NADK: variants seen among roughly 807,000 people sequenced by gnomAD.
NADK encodes the protein poly(P)/ATP NAD kinase.
NADK carries 22 observed loss-of-function variants against 49.8 expected under a neutral mutation model. The ratio of observed to expected loss-of-function variants is 0.44; its 90% CI spans 0.32 to 0.63. NADK has a LOEUF of 0.63. Among genes scored for constraint, NADK ranks in the 30% least tolerant of loss-of-function variants. The pLI is 0.06. For synonymous variants in NADK, 268 were observed against 253.7 expected (o/e 1.06, Z -0.54); for missense variants, 438 against 609.4 (o/e 0.72, Z 2.96).
At position 1,758,620 on chromosome 1, in the gene NADK, G is replaced by A. The variant is rs1054714638; in HGVS notation, c.264-1310C>T. The A allele has an allele frequency of 9.7e-6, 14 of 1,450,426 alleles. 1 individual carries two copies. Among genetic ancestry groups the A allele is most frequent in the Non-Finnish European group, 1.2e-5 (13 of 1,103,352 alleles). 89.8% of individuals were successfully genotyped at this position (1,450,426 alleles called of 1,614,324 possible). ...CAAAACACAATTGTGATGAGACTTG[G>A]TAAAGTTGTTGTAAAAGCAACTAAG... On this transcript the variant is annotated intron_variant, in intron 3 of 11. Transcript: ENST00000341426.
chr1:1,758,163 T>C (rs1467656069), intron 3 of NADK, among the ~76,000 whole-genome samples: 5 of 152,142 alleles, frequency 3.3e-5, no homozygotes, highest in Admixed American at 6.5e-5. Flanking sequence ...CAAGTTCTTA[T>C]ACCACCGCGC....
intron 10 of NADK, 151 bp from the exon 11 acceptor site, chr1:1,753,800 C>T (rs1645412972): frequency 1.2e-5 from 10 of 816,440 alleles, no homozygotes; most frequent in Non-Finnish European, 1.6e-5. Flanking sequence ...GGCACCGGCC[C>T]AGCTCAGCAC....
At chr1:1,757,066 C>T in intron 4 of NADK, 115 bp downstream of exon 4, 1 of 1,455,686 alleles carries the variant, frequency 6.9e-7, no homozygotes, top group Non-Finnish European at 9.4e-7. Context: ...TCCAGACAAG[C>T]AGCCGTTGCC....
At position 1,753,105 on chromosome 1, in the gene NADK, C is replaced by T. The variant is rs573306989; in HGVS notation, c.1185-45G>A. 19 of 1,574,912 alleles carry T rather than the reference C, an allele frequency of 1.2e-5. No individual in the cohort carries two copies. The South Asian group carries it at 1.7e-4, about 14-fold the overall frequency. On this transcript the variant is annotated intron_variant, in intron 11 of 11. Transcript: ENST00000341426. ...GCCTGAGCCAGGGCTTCCAGAAAGG[C>T]CCACCCCCGGCCAAGAACCCTTCCT...
chr1:1,759,999 G>T, intron 3 of NADK: 1 of 1,342,108 alleles, frequency 7.5e-7, no homozygotes, highest in Non-Finnish European at 1.0e-6. Flanking sequence ...GCGGGACAGA[G>T]CCACGGCGGG....
chr1:1,778,443 G>A lies in NADK; in HGVS notation c.-195C>T, dbSNP rs1042681233. On this transcript the variant is annotated 5_prime_UTR_variant, in exon 1 of 12. Coordinates refer to ENST00000341426, the MANE Select transcript of NADK (RefSeq NM_023018.5). The surrounding 1 kb of genome is among the most constrained non-coding windows in gnomAD (Gnocchi z 4.9). ...CCCGGACCCCGGCGCCGGCGCCGCC[G>A]AGCAGCAATGCGCCGCGCCCGCCCA... 2.7e-5 allele frequency: 4 copies of A among 147,794 alleles called. No individual in the cohort carries two copies. Among genetic ancestry groups the A allele is most frequent in the Non-Finnish European group, 6.0e-5 (4 of 66,326 alleles). The allele number at this position is 147,794 out of a possible 1,614,324, so 9.2% of individuals were successfully genotyped here. A position where few individuals can be genotyped will look rare whatever the true frequency, so the allele number is the denominator to read the frequency against.
chr1:1,752,609 C>T lies in NADK; in HGVS notation c.*295G>A, dbSNP rs774045873. On this transcript the variant is annotated 3_prime_UTR_variant, in exon 12 of 12. Transcript: ENST00000341426. ...ACCGACTGATTTGCGGAAAAATATC[C>T]TGGCATGGAAATTGCGGCAGCTGGA... The T allele has an allele frequency of 3.1e-5, 10 of 327,582 alleles. No individual in the cohort carries two copies. The highest frequency in any genetic ancestry group is 5.0e-5 in the Non-Finnish European group (9 of 179,144). 20.3% of individuals were successfully genotyped at this position (327,582 alleles called of 1,614,324 possible). A position where few individuals can be genotyped will look rare whatever the true frequency, so the allele number is the denominator to read the frequency against.
chr1:1,777,873 T>C lies in NADK; in HGVS notation c.-41+416A>G, dbSNP rs79278062. ...CATGCCAATACTGCTGTATAGAATC[T>C]TTTATTCATACTTTCCCACTAGGTT... On this transcript the variant is annotated intron_variant, in intron 1 of 11. Coordinates refer to ENST00000341426, the MANE Select transcript of NADK (RefSeq NM_023018.5). Among the ~76,000 whole-genome samples the C allele has an allele frequency of 1.3e-3, 205 of 152,314 alleles. 1 individual carries two copies. The highest frequency in any genetic ancestry group is 4.7e-3 in the African/African-American group (194 of 41,570).
Position 1,752,805 on chromosome 1 carries a change from G to T in NADK, c.*99C>A. On this transcript the variant is annotated 3_prime_UTR_variant, in exon 12 of 12. Transcript: ENST00000341426. The stretch of plus-strand genomic sequence containing the variant: ...CCAGCTACAGAAAGGAAGTGGCCGT[G>T]CCACTGAGACAGGCGGTCACAGACA... The T allele has an allele frequency of 7.2e-7, 1 of 1,392,266 alleles. No individual in the cohort carries two copies. Among genetic ancestry groups the T allele is most frequent in the Non-Finnish European group, 9.8e-7 (1 of 1,015,402 alleles). The allele number at this position is 1,392,266 out of a possible 1,614,324, so 86.2% of individuals were successfully genotyped here. A position where few individuals can be genotyped will look rare whatever the true frequency, so the allele number is the denominator to read the frequency against.
chr1:1,773,291 C>T (rs373255494), intron 1 of NADK, among the ~76,000 whole-genome samples: 7 of 151,194 alleles, frequency 4.6e-5, no homozygotes, highest in Admixed American at 3.3e-4. Flanking sequence ...AGGTGCCCGC[C>T]GCCACACCCG....
At chr1:1,753,524 A>C in intron 11 of NADK, 43 bp downstream of exon 11, 1 of 1,552,892 alleles carries the variant, frequency 6.4e-7, no homozygotes, top group Non-Finnish European at 8.8e-7. Context: ...TGGCCCGGGG[A>C]GGAGGTTGGC....
In NADK at chr1:1,751,712, G is replaced by T; in HGVS notation, c.*1192C>A. On this transcript the variant is annotated 3_prime_UTR_variant, in exon 12 of 12. Coordinates refer to ENST00000341426, the MANE Select transcript of NADK (RefSeq NM_023018.5). The stretch of plus-strand genomic sequence containing the variant: ...GAGAACGTCTTGTGCCTTCCTTATC[G>T]ATCTCCAGCAGATGAGGGCAACTTC... 1 of 151,258 alleles carries T rather than the reference G, an allele frequency of 6.6e-6. No homozygotes were observed. The allele number at this position is 151,258 out of a possible 1,614,324, so 9.4% of individuals were successfully genotyped here.
At chr1:1,753,918 G>A in intron 10 of NADK, 133 bp downstream of exon 10, 5 of 1,191,566 alleles carry the variant, frequency 4.2e-6, no homozygotes, top group South Asian at 3.0e-5. Context: ...AGGGGGCACA[G>A]GATGGCCCTA....
chr1:1,756,899 G>C, intron 4 of NADK: 3 of 805,582 alleles, frequency 3.7e-6, no homozygotes, highest in Non-Finnish European at 6.6e-6. Context: ...AGAAGACACA[G>C]CAGGAAGGCC....
intron 1 of NADK, among the ~76,000 whole-genome samples, chr1:1,776,350 A>AG (rs1646209548): frequency 6.6e-6 from 1 of 152,166 alleles, no homozygotes; most frequent in African/African-American, 2.4e-5. Context: ...TTTTTGTGCT[A>AG]GCCTGGAAAT....
chr1:1,764,951 C>A (rs372282852), intron 2 of NADK, among the ~76,000 whole-genome samples: 2 of 152,184 alleles, frequency 1.3e-5, no homozygotes, highest in African/African-American at 2.4e-5. Flanking sequence ...CAAGGGTCAG[C>A]GTAGGCGCCA....
intron 1 of NADK, among the ~76,000 whole-genome samples, chr1:1,774,387 C>T (rs898149712): frequency 1.3e-5 from 2 of 152,084 alleles, no homozygotes; most frequent in African/African-American, 2.4e-5. Flanking sequence ...TGCGCCACCA[C>T]GCCCAGCTAA....
intron 10 of NADK, 79 bp downstream of exon 10, chr1:1,753,972 C>A (rs952277610): frequency 1.3e-6 from 2 of 1,485,154 alleles, no homozygotes; most frequent in Non-Finnish European, 9.0e-7. Context: ...CATGGCAGAG[C>A]GGGGTGCTAG....
intron 3 of NADK, among the ~76,000 whole-genome samples, chr1:1,761,239 C>G (rs949364458): frequency 6.6e-6 from 1 of 152,190 alleles, no homozygotes; most frequent in Non-Finnish European, 1.5e-5. Flanking sequence ...GATCCGCCCC[C>G]CTTGGCCTCC....
Sources: allele counts gnomAD v4.1 joint callset (sites outside exome capture counted in the v4.1 genomes callset), GRCh38; gene constraint gnomAD v4.1.1; non-coding constraint Gnocchi (gnomAD v3.1); transcripts MANE v1.5; gene names NCBI Gene and HGNC (gene_info 2026-07-23, HGNC 2026-07-21).